The following RP9 variants were observed in gnomAD, a reference collection of about 807,000 sequenced individuals.
RP9 encodes RP9 pre-mRNA splicing factor.
A neutral mutation model predicts 32.6 loss-of-function variants in RP9; 23 were observed. That is an observed-to-expected ratio of 0.71 (90% CI 0.51 to 1.00). RP9 has a LOEUF of 1.00. Among genes scored for constraint, RP9 ranks in the 50% least tolerant of loss-of-function variants. The pLI, the probability that RP9 is intolerant of heterozygous loss-of-function variation, is 0.00. For synonymous variants in RP9, 94 were observed against 103.6 expected (o/e 0.91, Z 0.56); for missense variants, 245 against 285.3 (o/e 0.86, Z 1.02).
chr7:33,099,113 G>C, intron 3 of RP9, 194 bp downstream of exon 3: 1 of 663,036 alleles, frequency 1.5e-6, no homozygotes, highest in Non-Finnish European at 2.6e-6. Flanking sequence ...CCTGGCTTAA[G>C]ATGACAGCCC....
At chr7:33,104,838 C>G (rs1788475910) in intron 1 of RP9, among the ~76,000 whole-genome samples, 1 of 152,132 alleles carries the variant, frequency 6.6e-6, no homozygotes, top group Non-Finnish European at 1.5e-5. Context: ...GCCTTGGCCT[C>G]CCAAAGTGTT....
intron 3 of RP9, among the ~76,000 whole-genome samples, chr7:33,098,118 G>A (rs954497122): frequency 2.0e-5 from 3 of 152,058 alleles, no homozygotes; most frequent in Non-Finnish European, 4.4e-5. Flanking sequence ...GGGCACAGTG[G>A]CTCCTACCTG....
chr7:33,099,157 TG>T (rs1788387963), intron 3 of RP9, 149 bp downstream of exon 3: 2 of 814,676 alleles, frequency 2.5e-6, no homozygotes, highest in Admixed American at 4.1e-5. Context: ...TGGTGGGGGG[TG>T]GGGTGGATGC....
At chr7:33,095,669 GT>G (rs1342642430) in intron 5 of RP9, among the ~76,000 whole-genome samples, 3 of 152,138 alleles carry the variant, frequency 2.0e-5, no homozygotes, top group Non-Finnish European at 2.9e-5. Context: ...ATTTCTGCAT[GT>G]TTCCACAGTC....
At chr7:33,095,788 A>G (rs1273108434) in intron 5 of RP9, among the ~76,000 whole-genome samples, 1 of 152,098 alleles carries the variant, frequency 6.6e-6, no homozygotes, top group Non-Finnish European at 1.5e-5. Context: ...ATTTGAAAAA[A>G]CAAACCCTCC....
intron 2 of RP9, chr7:33,100,128 G>A (rs1266193535): frequency 7.4e-6 from 2 of 269,866 alleles, no homozygotes; most frequent in Admixed American, 5.0e-5. Flanking sequence ...GTACCAGGGA[G>A]CGGGACTGGA....
At chr7:33,107,497 A>G (rs1788515396) in intron 1 of RP9, among the ~76,000 whole-genome samples, 1 of 152,196 alleles carries the variant, frequency 6.6e-6, no homozygotes, top group African/African-American at 2.4e-5. Context: ...AGATCTTTGA[A>G]CACCTGACTT....
chr7:33,102,642 C>G (rs965055116), intron 1 of RP9, among the ~76,000 whole-genome samples: 1 of 152,198 alleles, frequency 6.6e-6, no homozygotes, highest in Non-Finnish European at 1.5e-5. Flanking sequence ...AGTAAGAAAT[C>G]TTTTGTTAAG....
chr7:33,101,431 G>A (rs202010926), intron 1 of RP9, among the ~76,000 whole-genome samples: 10 of 151,928 alleles, frequency 6.6e-5, no homozygotes, highest in Non-Finnish European at 1.3e-4. Flanking sequence ...GTGAAACCCC[G>A]TCTCTACTAA....
chr7:33,106,736 G>A (rs1257408005), intron 1 of RP9, among the ~76,000 whole-genome samples: 4 of 152,142 alleles, frequency 2.6e-5, no homozygotes, highest in Non-Finnish European at 5.9e-5. Flanking sequence ...ACTATGTCAA[G>A]AGATCGAGAC....
chr7:33,101,430 C>T (rs995057239), intron 1 of RP9, among the ~76,000 whole-genome samples: 4 of 151,850 alleles, frequency 2.6e-5, no homozygotes, highest in East Asian at 3.9e-4. Context: ...GGTGAAACCC[C>T]GTCTCTACTA....
rs558009860 is a variant in RP9 at position 33,095,280 on chromosome 7, C to T, written c.620G>A (p.Arg207Gln). 401 of 1,612,616 alleles carry T rather than the reference C, an allele frequency of 2.5e-4. 3 individuals are homozygous for T. The South Asian group carries it at 3.9e-3, about 16-fold the overall frequency. The change falls in exon 6 of 6, where the codon CGG becomes CAG. Residue 207 changes from arginine to glutamine, a missense_variant. Around this residue, in one of 2 missense-constraint regions of RP9, gnomAD observed 63 missense variants for 109.8 expected, o/e 0.57. Transcript: ENST00000297157. ...ATTTGACTTGGAAGATTTGTGCTTC[C>T]GTTTTTTCTTCTTTTTCTTTTCTTT... ...RKKEKKKKKKRKHKSSKSNEG... is the reference protein window; with the variant it reads ...RKKEKKKKKKQKHKSSKSNEG...
At position 33,099,410 on chromosome 7, in the gene RP9, G is replaced by A; in HGVS notation, c.210C>T (p.Cys70=). 1 of 1,613,444 alleles carries A rather than the reference G, an allele frequency of 6.2e-7. No individual in the cohort carries two copies. The highest frequency in any genetic ancestry group is 1.1e-5 in the South Asian group (1 of 91,040). The part of the protein sequence containing the change: ...IKEDETKPED[C]IPDVPGNEHA... Reference sequence around the variant, plus strand: ...GTTCATTGCCTGGTACATCTGGTATGCAATCTTCTGGCTTAGTCTCATCTT... The same window carrying A: ...GTTCATTGCCTGGTACATCTGGTATACAATCTTCTGGCTTAGTCTCATCTT... Residue 70 remains cysteine (C), a synonymous_variant, in exon 3 of 6, where the codon TGC becomes TGT. Transcript: ENST00000297157.
chr7:33,101,819 T>C (rs1054075926), intron 1 of RP9, among the ~76,000 whole-genome samples: 1 of 152,306 alleles, frequency 6.6e-6, no homozygotes, highest in East Asian at 1.9e-4. Flanking sequence ...TGGCATGACA[T>C]AGGCCTAATG....
intron 3 of RP9, chr7:33,098,984 A>G (rs368519085): frequency 1.9e-5 from 8 of 422,812 alleles, no homozygotes; most frequent in African/African-American, 2.0e-5. Context: ...GGGCTGACAT[A>G]ACAAAATGCC....
chr7:33,098,634 A>C (rs1346817452), intron 3 of RP9, among the ~76,000 whole-genome samples: 2 of 152,190 alleles, frequency 1.3e-5, no homozygotes, highest in Non-Finnish European at 2.9e-5. Flanking sequence ...CCCAAAGAAG[A>C]AAAACCGATA....
At chr7:33,099,859 A>G (rs2128032522) in intron 2 of RP9, among the ~76,000 whole-genome samples, 1 of 152,352 alleles carries the variant, frequency 6.6e-6, no homozygotes, top group Admixed American at 6.5e-5. Flanking sequence ...CATGTTTTAC[A>G]GTCACACACA....
At chr7:33,101,211 C>A (rs1788419402) in intron 1 of RP9, among the ~76,000 whole-genome samples, 1 of 152,150 alleles carries the variant, frequency 6.6e-6, no homozygotes, top group South Asian at 2.1e-4. Flanking sequence ...ATGTTTTCTT[C>A]ATTCGGACTC....
chr7:33,109,232 G>A lies in RP9; in HGVS notation c.141C>T (p.His47=). Residue 47 remains histidine, a synonymous_variant, in exon 1 of 6, where the codon CAC becomes CAT. Coordinates refer to ENST00000297157, the MANE Select transcript of RP9 (RefSeq NM_203288.2). This position sits in a 1 kb window ranked among gnomAD's most constrained non-coding sequence, Gnocchi z 4.9. ...AGCTCGGGACTCACAAGGACTCCAG[G>A]TGCTTGAGCTGCTGCAGCTGCTGCG... is the stretch of plus-strand genomic sequence containing the variant. ...HDAQQLQQLK[H]LESFYEKPPP... The A allele has an allele frequency of 6.7e-7, 1 of 1,497,524 alleles. No individual in the cohort carries two copies. Among genetic ancestry groups the A allele is most frequent in the African/African-American group, 1.5e-5 (1 of 68,460 alleles). 92.8% of individuals were successfully genotyped at this position (1,497,524 alleles called of 1,614,324 possible). A position where few individuals can be genotyped will look rare whatever the true frequency, so the allele number is the denominator to read the frequency against.
Sources: gnomAD v4.1 joint callset for allele counts (sites outside exome capture counted in the v4.1 genomes callset) on GRCh38, gnomAD v4.1.1 for gene constraint, gnomAD v4.1.1 regional missense constraint, Gnocchi (gnomAD v3.1) non-coding constraint, MANE v1.5 for transcripts, NCBI Gene and HGNC (gene_info 2026-07-23, HGNC 2026-07-21) for gene names.